The following SPIN1 variants were observed in gnomAD, a reference collection of about 807,000 sequenced individuals.
SPIN1 encodes the protein spindlin 1.
A neutral mutation model predicts 26.0 loss-of-function variants in SPIN1; 3 were observed. The observed-to-expected ratio is 0.12, with a 90% CI of 0.05 to 0.30. The LOEUF (loss-of-function observed/expected upper bound fraction) is 0.30. Ranked by LOEUF, SPIN1 falls within the 10% of genes least tolerant of loss-of-function variation. SPIN1 has a pLI of 1.00. For synonymous variants in SPIN1, 101 were observed against 116.5 expected (o/e 0.87, Z 0.86); for missense variants, 126 against 333.4 (o/e 0.38, Z 4.84).
rs144761518 is a variant in SPIN1, at chr9:88,420,383, C to T, written c.-158-5999C>T. On this transcript the variant is annotated intron_variant, in intron 1 of 5. Coordinates refer to ENST00000375859, the MANE Select transcript of SPIN1 (RefSeq NM_006717.3). ...AGGGTGAGACTCCGTCTCAACAAAA[C>T]GAAACAGAAACAAAACAAAAGAGTT... 6.1e-3 allele frequency among the ~76,000 whole-genome samples: 926 copies of T among 152,180 alleles called. 10 individuals carry two copies. Among genetic ancestry groups the T allele is most frequent in the South Asian group, 0.023 (110 of 4,814 alleles).
chr9:88,443,715 GAAGC>G (rs1828186226), intron 2 of SPIN1, among the ~76,000 whole-genome samples: 1 of 152,206 alleles, frequency 6.6e-6, no homozygotes, highest in Non-Finnish European at 1.5e-5. Context: ...CCGGGGAGGA[GAAGC>G]AGTCTGTAGT....
At chr9:88,401,184 A>G (rs947973059) in intron 1 of SPIN1, among the ~76,000 whole-genome samples, 1 of 152,194 alleles carries the variant, frequency 6.6e-6, no homozygotes, top group African/African-American at 2.4e-5. Flanking sequence ...ATTTTATTGT[A>G]TAGATGAATT....
intron 3 of SPIN1, among the ~76,000 whole-genome samples, chr9:88,461,906 C>G (rs989765392): frequency 1.3e-5 from 2 of 152,082 alleles, no homozygotes; most frequent in African/African-American, 2.4e-5. Context: ...TATATGTTTT[C>G]TAGACAAGTA....
chr9:88,434,067 G>T (rs1191788129), intron 2 of SPIN1, among the ~76,000 whole-genome samples: 1 of 152,082 alleles, frequency 6.6e-6, no homozygotes, highest in Admixed American at 6.6e-5. Context: ...AAGTCAGGAA[G>T]TATGATGTAG....
chr9:88,440,786 C>T (rs1280612401), intron 2 of SPIN1, among the ~76,000 whole-genome samples: 2 of 151,412 alleles, frequency 1.3e-5, no homozygotes, highest in Non-Finnish European at 2.9e-5. Context: ...ACCATGTTGG[C>T]CAGGCTGGTC....
chr9:88,405,108 CTT>C (rs991123146), intron 1 of SPIN1, among the ~76,000 whole-genome samples: 1 of 151,988 alleles, frequency 6.6e-6, no homozygotes, highest in Admixed American at 6.6e-5. Context: ...TTACAGTTAA[CTT>C]TTTTTATAAA....
Position 88,441,419 on chromosome 9 carries a change from G to GTGCGCGCGCA in SPIN1, c.53-7522_53-7521insTGCGCGCGCA, listed in dbSNP as rs1476546130. Among the ~76,000 whole-genome samples, 131 of 149,304 alleles carry GTGCGCGCGCA rather than the reference G, an allele frequency of 8.8e-4. 4 individuals are homozygous for GTGCGCGCGCA. The highest frequency in any genetic ancestry group is 3.3e-3 in the African/African-American group (129 of 39,476). On this transcript the variant is annotated intron_variant, in intron 2 of 5. Coordinates refer to ENST00000375859, the MANE Select transcript of SPIN1 (RefSeq NM_006717.3). ...CATTCGTGTGTGTGTGTGTGTGCGCGCGCGCGCGCCCATGTGTGTGTACAT... is the reference window on the plus strand; with the variant it reads ...CATTCGTGTGTGTGTGTGTGTGCGCGTGCGCGCGCACGCGCGCGCCCATGTGTGTGTACAT...
intron 1 of SPIN1, among the ~76,000 whole-genome samples, chr9:88,404,789 G>A (rs939969580): frequency 2.6e-5 from 4 of 151,688 alleles, no homozygotes; most frequent in South Asian, 2.1e-4. Flanking sequence ...AGTGGCAGGC[G>A]CCTGTAATCC....
intron 1 of SPIN1, among the ~76,000 whole-genome samples, chr9:88,394,268 T>C (rs1006327849): frequency 3.3e-5 from 5 of 152,224 alleles, no homozygotes; most frequent in Admixed American, 3.3e-4. Flanking sequence ...CTCTGAAGCT[T>C]TTCTTGCTTT....
chr9:88,403,597 G>C (rs931692714), intron 1 of SPIN1, among the ~76,000 whole-genome samples: 3 of 152,104 alleles, frequency 2.0e-5, no homozygotes, highest in Non-Finnish European at 4.4e-5. Flanking sequence ...TGTAGTCCCA[G>C]CTACTCGGGA....
At chr9:88,388,752 C>A (rs1268355670) in intron 1 of SPIN1, among the ~76,000 whole-genome samples, 1 of 149,068 alleles carries the variant, frequency 6.7e-6, no homozygotes, top group Non-Finnish European at 1.5e-5. Context: ...GGCGGGCGCG[C>A]GCTCCTTTGT....
intron 1 of SPIN1, among the ~76,000 whole-genome samples, chr9:88,407,329 G>A (rs961424861): frequency 6.6e-6 from 1 of 151,754 alleles, no homozygotes; most frequent in Non-Finnish European, 1.5e-5. Context: ...ATTTTCAGTA[G>A]AGACAGGGTT....
chr9:88,422,711 T>C (rs1357566171), intron 1 of SPIN1, among the ~76,000 whole-genome samples: 7 of 144,182 alleles, frequency 4.9e-5, no homozygotes, highest in Admixed American at 3.4e-4. Flanking sequence ...AGGACTCTTT[T>C]TTCTTTTTTT....
At chr9:88,394,159 T>C (rs992452010) in intron 1 of SPIN1, among the ~76,000 whole-genome samples, 1 of 152,174 alleles carries the variant, frequency 6.6e-6, no homozygotes, top group African/African-American at 2.4e-5. Context: ...TTATCCAGTG[T>C]TTTAATCAAA....
At chr9:88,416,045 C>T (rs1287139961) in intron 1 of SPIN1, among the ~76,000 whole-genome samples, 2 of 152,060 alleles carry the variant, frequency 1.3e-5, no homozygotes, top group African/African-American at 4.8e-5. Flanking sequence ...CATGAGCCAC[C>T]ACGCCTAGCC....
intron 2 of SPIN1, among the ~76,000 whole-genome samples, chr9:88,438,664 AT>A (rs1391263481): frequency 6.6e-6 from 1 of 152,178 alleles, no homozygotes; most frequent in Non-Finnish European, 1.5e-5. Flanking sequence ...TCTGTCCATT[AT>A]TGATAGAAGG....
At chr9:88,425,972 C>T (rs1827757262) in intron 1 of SPIN1, among the ~76,000 whole-genome samples, 1 of 152,156 alleles carries the variant, frequency 6.6e-6, no homozygotes, top group African/African-American at 2.4e-5. Flanking sequence ...TGTCTCCCAC[C>T]CCCATACTCT....
chr9:88,452,943 T>C (rs1828392370), intron 3 of SPIN1, among the ~76,000 whole-genome samples: 1 of 152,218 alleles, frequency 6.6e-6, no homozygotes. Context: ...ATACAGTGTA[T>C]GACAGGCATT....
At chr9:88,407,135 TA>T (rs397893590) in intron 1 of SPIN1, among the ~76,000 whole-genome samples, 36,917 of 122,720 alleles carry the variant, frequency 0.3, 9,291 homozygotes, top group African/African-American at 0.71. Flanking sequence ...GATCTTCCTT[TA>T]AAAAAAAAAA....
Sources: gnomAD v4.1 joint callset for allele counts (sites outside exome capture counted in the v4.1 genomes callset) on GRCh38, gnomAD v4.1.1 for gene constraint, MANE v1.5 for transcripts, NCBI Gene and HGNC (gene_info 2026-07-23, HGNC 2026-07-21) for gene names.